RARB: variants seen among roughly 807,000 people sequenced by gnomAD.
The protein encoded by RARB is HBV-activated protein.
In RARB, 17 loss-of-function variants were observed where a neutral mutation model predicts 51.9. The observed-to-expected ratio is 0.33, with a 90% CI of 0.22 to 0.49. The LOEUF (loss-of-function observed/expected upper bound fraction) is 0.49, where lower values mean the gene tolerates loss of function less well. Among genes scored for constraint, RARB ranks in the 20% least tolerant of loss-of-function variants. The pLI is 0.99. For synonymous variants in RARB, 215 were observed against 195.4 expected (o/e 1.10, Z -0.84); for missense variants, 369 against 550.8 (o/e 0.67, Z 3.30).
At chr3:24,946,905 A>G (rs1695787566) in intron 2 of RARB, among the ~76,000 whole-genome samples, 1 of 152,160 alleles carries the variant, frequency 6.6e-6, no homozygotes, top group Non-Finnish European at 1.5e-5. Flanking sequence ...AAAAAACAGA[A>G]CAGACCACTC....
chr3:25,092,106 A>G (rs1699209086), intron 3 of RARB, among the ~76,000 whole-genome samples: 2 of 152,188 alleles, frequency 1.3e-5, no homozygotes, highest in Admixed American at 1.3e-4. Flanking sequence ...AGCAGAAACA[A>G]GTGCTTTTAC....
intron 2 of RARB, among the ~76,000 whole-genome samples, chr3:24,893,288 A>G (rs1703418225): frequency 6.6e-6 from 1 of 152,210 alleles, no homozygotes; most frequent in Admixed American, 6.5e-5. Flanking sequence ...GACCATATTT[A>G]TATTTGGTTA....
At chr3:25,100,864 C>G (rs570099289) in intron 3 of RARB, among the ~76,000 whole-genome samples, 32 of 152,298 alleles carry the variant, frequency 2.1e-4, no homozygotes, top group Admixed American at 1.6e-3. Flanking sequence ...AGTAGAGGAA[C>G]TTGGATCATT....
intron 3 of RARB, among the ~76,000 whole-genome samples, chr3:25,097,491 T>G (rs749234547): frequency 6.6e-6 from 1 of 152,114 alleles, no homozygotes; most frequent in Admixed American, 6.6e-5. Flanking sequence ...AGAAATACTT[T>G]CCAAAAGCCA....
At chr3:25,384,595 C>A (rs1240356231) in intron 5 of RARB, among the ~76,000 whole-genome samples, 3 of 152,190 alleles carry the variant, frequency 2.0e-5, no homozygotes, top group African/African-American at 7.2e-5. Context: ...ATCACACCCA[C>A]ATGCAGGACT....
At chr3:24,984,712 A>G (rs1016224167) in intron 2 of RARB, among the ~76,000 whole-genome samples, 8 of 152,154 alleles carry the variant, frequency 5.3e-5, no homozygotes, top group African/African-American at 1.7e-4. Flanking sequence ...ACTGTATATT[A>G]TACTAGAAAT....
chr3:25,147,294 C>T (rs778542392), intron 4 of RARB, among the ~76,000 whole-genome samples: 4 of 152,056 alleles, frequency 2.6e-5, no homozygotes, highest in Non-Finnish European at 5.9e-5. Context: ...CTTGTTCTAC[C>T]GGTTCTTCCC....
At chr3:25,247,824 A>C (rs971999730) in intron 5 of RARB, among the ~76,000 whole-genome samples, 12 of 152,248 alleles carry the variant, frequency 7.9e-5, no homozygotes, top group Non-Finnish European at 1.5e-4. Flanking sequence ...AGAATGTTCC[A>C]AGTACTGATT....
chr3:24,926,998 C>G (rs1394694249), intron 2 of RARB, among the ~76,000 whole-genome samples: 1 of 152,062 alleles, frequency 6.6e-6, no homozygotes, highest in East Asian at 1.9e-4. Flanking sequence ...TTAGAGTACA[C>G]ATAAGACTCT....
intron 5 of RARB, among the ~76,000 whole-genome samples, chr3:25,204,690 C>G (rs1031585925): frequency 6.6e-6 from 1 of 152,308 alleles, no homozygotes; most frequent in Admixed American, 6.5e-5. Flanking sequence ...TGGAGGTTCA[C>G]TCCAGACCCT....
chr3:24,830,458 G>A lies in RARB; in HGVS notation c.-459+1055G>A, dbSNP rs1702264894. ...GTGTGTGTGTACGTGCGCGCGCGCC[G>A]TGGCTAAGGATGCTCGGGTGCTGGA... On this transcript the variant is annotated intron_variant, in intron 1 of 11. Coordinates refer to the RARB transcript ENST00000383772. Among the ~76,000 whole-genome samples the A allele has an allele frequency of 6.1e-5, 3 of 49,208 alleles. No homozygotes were observed. The Admixed American group carries it at 6.4e-4, about 10-fold the overall frequency. The allele number at this position is 49,208 out of a possible 152,430, so 32.3% of individuals were successfully genotyped here. A position where few individuals can be genotyped will look rare whatever the true frequency, so the allele number is the denominator to read the frequency against.
chr3:25,401,061 G>T (rs368173969), intron 5 of RARB, among the ~76,000 whole-genome samples: 83 of 152,208 alleles, frequency 5.5e-4, no homozygotes, highest in African/African-American at 1.8e-3. Context: ...AAGAAGCCAA[G>T]CAAAAGAAAA....
chr3:24,958,255 GTT>G (rs71057692), intron 2 of RARB, among the ~76,000 whole-genome samples: 2,462 of 69,428 alleles, frequency 0.035, 199 homozygotes, highest in Middle Eastern at 0.1. Flanking sequence ...AGCTGCTCAG[GTT>G]TTTTTTTTTT....
At chr3:25,520,299 A>G (rs764821661) in intron 3 of RARB, among the ~76,000 whole-genome samples, 22 of 152,170 alleles carry the variant, frequency 1.4e-4, no homozygotes, top group Non-Finnish European at 2.8e-4. Context: ...TGCAGCCTTC[A>G]TTTCTATCCA....
chr3:25,576,435 C>G (rs1219920347), intron 4 of RARB, among the ~76,000 whole-genome samples: 2 of 152,174 alleles, frequency 1.3e-5, no homozygotes, highest in African/African-American at 4.8e-5. Context: ...TCTTGGACAT[C>G]CTCTAGGGCC....
intron 3 of RARB, among the ~76,000 whole-genome samples, chr3:25,105,422 C>CAAA (rs755388268): frequency 5.8e-5 from 3 of 52,066 alleles, no homozygotes; most frequent in Admixed American, 1.9e-4. Flanking sequence ...TATACATGTG[C>CAAA]AAAAAAAAAA....
chr3:25,030,473 G>A (rs1021433654), intron 2 of RARB, among the ~76,000 whole-genome samples: 1 of 152,180 alleles, frequency 6.6e-6, no homozygotes, highest in African/African-American at 2.4e-5. Context: ...TTTAATAATG[G>A]TGATGTCAAA....
At chr3:25,085,845 T>A (rs1011703379) in intron 3 of RARB, among the ~76,000 whole-genome samples, 2 of 152,176 alleles carry the variant, frequency 1.3e-5, no homozygotes, top group Middle Eastern at 3.2e-3. Flanking sequence ...TTTGCACTAT[T>A]ATTGCAAGAA....
chr3:25,309,554 G>A (rs1435911450), intron 5 of RARB, among the ~76,000 whole-genome samples: 3 of 136,016 alleles, frequency 2.2e-5, no homozygotes, highest in African/African-American at 5.5e-5. Context: ...CTGGAGTGCA[G>A]TGGTGTGATC....
Sources: allele counts gnomAD v4.1 joint callset (sites outside exome capture counted in the v4.1 genomes callset), GRCh38; gene constraint gnomAD v4.1.1; transcripts MANE v1.5; gene names NCBI Gene and HGNC (gene_info 2026-07-23, HGNC 2026-07-21).